RAB18: variants seen among roughly 807,000 people sequenced by gnomAD.
RAB18 encodes RAB18, member RAS oncogene family.
RAB18 carries 10 observed loss-of-function variants against 28.5 expected under a neutral mutation model. The observed-to-expected ratio is 0.35, with a 90% confidence interval of 0.22 to 0.60. RAB18 has a LOEUF of 0.60. Ranked by LOEUF, RAB18 falls within the 20% of genes least tolerant of loss-of-function variation. RAB18 has a pLI of 0.78. For missense variants in RAB18, 188 were observed against 244.2 expected (o/e 0.77, Z 1.53); for synonymous variants, 93 against 86.9 (o/e 1.07, Z -0.39).
chr10:27,514,990 C>T (rs573080778), intron 2 of RAB18, among the ~76,000 whole-genome samples: 1 of 152,222 alleles, frequency 6.6e-6, no homozygotes, highest in South Asian at 2.1e-4. Context: ...GTTTTGAACT[C>T]CTGGGTTCAA....
intron 1 of RAB18, among the ~76,000 whole-genome samples, chr10:27,506,172 A>G (rs1250368720): frequency 6.6e-6 from 1 of 152,158 alleles, no homozygotes; most frequent in Non-Finnish European, 1.5e-5. Context: ...GTGTTTTTGA[A>G]GTCAAGAATG....
At chr10:27,505,098 C>G (rs1349409592) in intron 1 of RAB18, 1 of 532,614 alleles carries the variant, frequency 1.9e-6, no homozygotes, top group Non-Finnish European at 3.8e-6. Context: ...TCTCATTTTG[C>G]CACATCCTGT....
intron 6 of RAB18, among the ~76,000 whole-genome samples, chr10:27,537,318 C>T (rs770688851): frequency 3.9e-5 from 6 of 152,150 alleles, no homozygotes; most frequent in East Asian, 3.9e-4. Context: ...TCATCTCAGA[C>T]GGTGAGAAAG....
chr10:27,515,303 GTTTTTTAT>G (rs1488661749), intron 2 of RAB18, among the ~76,000 whole-genome samples: 2 of 151,102 alleles, frequency 1.3e-5, no homozygotes, highest in Admixed American at 6.6e-5. Context: ...TTCGCTTTAA[GTTTTTTAT>G]TTTTTTATTT....
At chr10:27,525,673 C>T (rs1202166096) in intron 2 of RAB18, among the ~76,000 whole-genome samples, 1 of 152,068 alleles carries the variant, frequency 6.6e-6, no homozygotes, top group African/African-American at 2.4e-5. Context: ...TTTATCAACT[C>T]CTTTATCACC....
At chr10:27,530,634 A>G (rs1396531779) in intron 3 of RAB18, among the ~76,000 whole-genome samples, 2 of 151,948 alleles carry the variant, frequency 1.3e-5, no homozygotes, top group African/African-American at 4.8e-5. Flanking sequence ...AGTATGAATC[A>G]GATTGTCTGA....
intron 2 of RAB18, among the ~76,000 whole-genome samples, chr10:27,518,221 A>T (rs1333683004): frequency 2.6e-5 from 4 of 152,204 alleles, no homozygotes; most frequent in Non-Finnish European, 5.9e-5. Context: ...TTTTGTATGA[A>T]TACTAATTTT....
At chr10:27,511,630 T>C (rs1280507202) in intron 2 of RAB18, among the ~76,000 whole-genome samples, 1 of 152,250 alleles carries the variant, frequency 6.6e-6, no homozygotes, top group Admixed American at 6.5e-5. Flanking sequence ...CAGTATGTCC[T>C]TAACGGTTAG....
Position 27,541,816 on chromosome 10 carries a change from C to A in RAB18, c.*3765C>A. The A allele has an allele frequency of 2.2e-6, 1 of 445,294 alleles. No individual in the cohort carries two copies. The highest frequency in any genetic ancestry group is 4.4e-6 in the Non-Finnish European group (1 of 224,920). 27.6% of individuals were successfully genotyped at this position (445,294 alleles called of 1,614,324 possible). ...CCGATCCAGCACCTACTTCCTTCTCCCACCATACCACCCCCACCCCCACCC... is the reference window on the plus strand; with the variant it reads ...CCGATCCAGCACCTACTTCCTTCTCACACCATACCACCCCCACCCCCACCC... On this transcript the variant is annotated 3_prime_UTR_variant, in exon 7 of 7. Transcript: ENST00000356940.
intron 2 of RAB18, among the ~76,000 whole-genome samples, chr10:27,521,920 A>C (rs953427596): frequency 6.6e-6 from 1 of 151,504 alleles, no homozygotes; most frequent in African/African-American, 2.4e-5. Context: ...CTGGTTCTGC[A>C]GGGAGAGGAA....
At chr10:27,516,321 C>G (rs190789910) in intron 2 of RAB18, among the ~76,000 whole-genome samples, 2 of 152,004 alleles carry the variant, frequency 1.3e-5, no homozygotes, top group East Asian at 3.9e-4. Context: ...TTTGGGAGGC[C>G]GAGGCAGGTG....
chr10:27,534,933 C>T (rs1396392519), intron 6 of RAB18, among the ~76,000 whole-genome samples: 2 of 152,280 alleles, frequency 1.3e-5, no homozygotes, highest in East Asian at 1.9e-4. Context: ...TTAGTTTACC[C>T]AATATTTATT....
intron 3 of RAB18, 100 bp from the exon 4 acceptor site, chr10:27,532,407 A>G (rs1834805965): frequency 2.3e-6 from 2 of 851,064 alleles, no homozygotes; most frequent in Admixed American, 2.0e-5. Flanking sequence ...TCATGCATTA[A>G]TACTATTTTT....
At chr10:27,504,804 G>T in intron 1 of RAB18, 1 of 507,950 alleles carries the variant, frequency 2.0e-6, no homozygotes, top group Admixed American at 2.4e-5. Context: ...CGAACCTCTC[G>T]GGGTTCAGGC....
chr10:27,518,312 G>A (rs1049638007), intron 2 of RAB18, among the ~76,000 whole-genome samples: 4 of 152,146 alleles, frequency 2.6e-5, no homozygotes, highest in African/African-American at 7.2e-5. Flanking sequence ...AAACAGTTTG[G>A]CCATATTTTT....
chr10:27,519,158 A>G (rs1834498236), intron 2 of RAB18, among the ~76,000 whole-genome samples: 2 of 152,216 alleles, frequency 1.3e-5, no homozygotes, highest in Admixed American at 1.3e-4. Context: ...TAAAAAAAAA[A>G]TCAATGCATA....
chr10:27,539,158 A>C lies in RAB18; in HGVS notation c.*1107A>C. The stretch of plus-strand genomic sequence containing the variant: ...GTACAGACTAATAAATCTTTTTCAC[A>C]GTATTCAGTTTTCTCACCTCTTGCT... On this transcript the variant is annotated 3_prime_UTR_variant, in exon 7 of 7. Coordinates refer to ENST00000356940, the MANE Select transcript of RAB18 (RefSeq NM_021252.5). The C allele has an allele frequency of 2.8e-6, 1 of 355,510 alleles. No homozygotes were observed. The highest frequency in any genetic ancestry group is 5.5e-6 in the Non-Finnish European group (1 of 181,844). The allele number at this position is 355,510 out of a possible 1,614,324, so 22.0% of individuals were successfully genotyped here.
intron 1 of RAB18, among the ~76,000 whole-genome samples, chr10:27,505,357 T>G (rs530166096): frequency 1.3e-5 from 2 of 152,282 alleles, no homozygotes; most frequent in African/African-American, 4.8e-5. Context: ...CTGTAATCAG[T>G]TTCATATTTT....
rs1300719793 is a variant in RAB18 at position 27,540,381 on chromosome 10, G to GC, written c.*2333dup. ...CCAGTCATGGCATTTTTACTTCTGA[G>GC]CCCATACTCTTCACCATCGCTCATT... is the stretch of plus-strand genomic sequence containing the variant. On this transcript the variant is annotated 3_prime_UTR_variant, in exon 7 of 7. Transcript: ENST00000356940. 1 of 454,042 alleles carries GC rather than the reference G, an allele frequency of 2.2e-6. No individual in the cohort carries two copies. The highest frequency in any genetic ancestry group is 2.0e-5 in the African/African-American group (1 of 50,112). 28.1% of individuals were successfully genotyped at this position (454,042 alleles called of 1,614,324 possible). A position where few individuals can be genotyped will look rare whatever the true frequency, so the allele number is the denominator to read the frequency against.
Sources: allele counts gnomAD v4.1 joint callset (sites outside exome capture counted in the v4.1 genomes callset), GRCh38; gene constraint gnomAD v4.1.1; transcripts MANE v1.5; gene names NCBI Gene and HGNC (gene_info 2026-07-23, HGNC 2026-07-21).